Variants in AGBL1 observed in about 807,000 individuals in gnomAD.
AGBL1 encodes the protein cytosolic carboxypeptidase 4.
Under a neutral mutation model 118.9 loss-of-function variants are expected in AGBL1, and 130 were observed. That is an observed-to-expected ratio of 1.09 (90% CI 0.95 to 1.26). AGBL1 has a LOEUF of 1.26. Ranked by LOEUF, AGBL1 falls within the 50% of genes most tolerant of loss-of-function variation. The pLI is 0.00. For missense variants in AGBL1, 1,584 were observed against 1,298.1 expected (o/e 1.22, Z -3.38); for synonymous variants, 555 against 478.9 (o/e 1.16, Z -2.08).
chr15:86,126,336 G>A (rs1898429599), intron 1 of AGBL1, among the ~76,000 whole-genome samples: 1 of 152,014 alleles, frequency 6.6e-6, no homozygotes, highest in Non-Finnish European at 1.5e-5. Context: ...ATATAATCTG[G>A]TAAAGACTGA....
At chr15:86,228,030 G>A (rs1033597180) in intron 6 of AGBL1, among the ~76,000 whole-genome samples, 7 of 152,170 alleles carry the variant, frequency 4.6e-5, no homozygotes, top group African/African-American at 1.2e-4. Context: ...GGCAGCTGCC[G>A]TCTTTGTTTT....
intron 22 of AGBL1, among the ~76,000 whole-genome samples, chr15:86,770,621 A>T (rs2078163252): frequency 6.6e-6 from 1 of 151,950 alleles, no homozygotes; most frequent in Non-Finnish European, 1.5e-5. Flanking sequence ...GTCAGAGGAG[A>T]CGTACCTGAA....
chr15:87,020,517 G>T lies in AGBL1; in HGVS notation c.3324-8308G>T, dbSNP rs141227417. Among the ~76,000 whole-genome samples, 171 of 152,236 alleles carry T rather than the reference G, an allele frequency of 1.1e-3. 5 individuals are homozygous for T. Among genetic ancestry groups the T allele is most frequent in the African/African-American group, 3.7e-3 (154 of 41,560 alleles). On this transcript the variant is annotated intron_variant, in intron 24 of 24. Transcript: ENST00000441037. ...TTCTGGCCAGGGCAATCAGGCAAGA[G>T]AAAGAAATAAAGGGTATTTAAATAA...
chr15:86,497,101 C>T (rs923293016), intron 18 of AGBL1, among the ~76,000 whole-genome samples: 4 of 151,982 alleles, frequency 2.6e-5, no homozygotes, highest in Admixed American at 2.0e-4. Flanking sequence ...AGCCATCAAA[C>T]ACTCTTTCTC....
intron 21 of AGBL1, among the ~76,000 whole-genome samples, chr15:86,649,145 T>C (rs969757118): frequency 3.3e-5 from 5 of 152,192 alleles, no homozygotes; most frequent in African/African-American, 1.2e-4. Flanking sequence ...AAATAGGATC[T>C]GATGCATACC....
intron 22 of AGBL1, among the ~76,000 whole-genome samples, chr15:86,674,772 T>C (rs937501279): frequency 1.3e-5 from 2 of 152,198 alleles, no homozygotes; most frequent in African/African-American, 4.8e-5. Context: ...GATAACATTT[T>C]TGAGCCATTA....
intron 23 of AGBL1, among the ~76,000 whole-genome samples, chr15:86,923,280 A>G (rs182127323): frequency 2.0e-5 from 3 of 152,286 alleles, no homozygotes; most frequent in Admixed American, 2.0e-4. Context: ...TGTCCATATG[A>G]TGTATCAGCT....
At chr15:86,122,214 T>C (rs1354348143) in intron 1 of AGBL1, among the ~76,000 whole-genome samples, 2 of 152,172 alleles carry the variant, frequency 1.3e-5, no homozygotes, top group Non-Finnish European at 2.9e-5. Context: ...TTCTGACAGA[T>C]TGAGTGTTGT....
chr15:86,182,529 G>A (rs555752761), intron 5 of AGBL1, among the ~76,000 whole-genome samples: 1 of 151,964 alleles, frequency 6.6e-6, no homozygotes, highest in Admixed American at 6.6e-5. Context: ...ATGGCCCCTA[G>A]AATATTCTCG....
At chr15:86,722,069 T>C (rs1234667306) in intron 22 of AGBL1, among the ~76,000 whole-genome samples, 2 of 151,978 alleles carry the variant, frequency 1.3e-5, no homozygotes, top group African/African-American at 4.8e-5. Context: ...ATCGTGAAAA[T>C]GGCCATACTG....
chr15:86,570,988 G>A (rs1198071686), intron 21 of AGBL1, among the ~76,000 whole-genome samples: 4 of 152,306 alleles, frequency 2.6e-5, no homozygotes, highest in African/African-American at 9.6e-5. Context: ...TGGTCTGGCC[G>A]TTGCACAGTC....
At chr15:86,119,938 T>C (rs1323877890) in intron 1 of AGBL1, among the ~76,000 whole-genome samples, 1 of 152,218 alleles carries the variant, frequency 6.6e-6, no homozygotes, top group Non-Finnish European at 1.5e-5. Context: ...CAAATCTAAA[T>C]GTCTGTTAAC....
chr15:86,308,678 TG>T (rs1845125073), intron 17 of AGBL1, among the ~76,000 whole-genome samples: 1 of 152,246 alleles, frequency 6.6e-6, no homozygotes, highest in Admixed American at 6.5e-5. Flanking sequence ...TATAAGAGAC[TG>T]TCCTTTCCCC....
intron 21 of AGBL1, among the ~76,000 whole-genome samples, chr15:86,600,488 A>C (rs1195534138): frequency 6.6e-6 from 1 of 152,156 alleles, no homozygotes; most frequent in Non-Finnish European, 1.5e-5. Flanking sequence ...GCCATGTGGC[A>C]ACCTACCTGT....
At chr15:87,003,810 G>A (rs1350132031) in intron 24 of AGBL1, among the ~76,000 whole-genome samples, 1 of 152,138 alleles carries the variant, frequency 6.6e-6, no homozygotes, top group Non-Finnish European at 1.5e-5. Context: ...ATTTCTGTGG[G>A]ATCGGTGGTG....
intron 5 of AGBL1, among the ~76,000 whole-genome samples, chr15:86,198,285 A>C (rs960506356): frequency 2.6e-5 from 4 of 152,176 alleles, no homozygotes; most frequent in Non-Finnish European, 4.4e-5. Context: ...ATGAGCTCAC[A>C]GCTATGGAGA....
Position 86,105,626 on chromosome 15 carries a change from G to A in AGBL1, c.51+25603G>A, listed in dbSNP as rs535112532. Among the ~76,000 whole-genome samples, 25 of 152,338 alleles carry A rather than the reference G, an allele frequency of 1.6e-4. 1 individual carries two copies. In the South Asian group the frequency reaches 5.2e-3, roughly 32 times the overall value. On this transcript the variant is annotated intron_variant, in intron 1 of 22. Transcript: ENST00000614907. ...AAGAAGAGGAGAACAGCAGGAAAGAGAGGCCTTTACTCAGCCCTTTTTCTA... is the reference window on the plus strand; with the variant it reads ...AAGAAGAGGAGAACAGCAGGAAAGAAAGGCCTTTACTCAGCCCTTTTTCTA...
chr15:86,840,937 A>G (rs576199416), intron 22 of AGBL1, among the ~76,000 whole-genome samples: 1 of 152,314 alleles, frequency 6.6e-6, no homozygotes, highest in East Asian at 1.9e-4. Flanking sequence ...CAATCTTTCT[A>G]CTGCAACTCA....
intron 17 of AGBL1, among the ~76,000 whole-genome samples, chr15:86,305,356 T>A (rs1464974764): frequency 6.6e-6 from 1 of 152,142 alleles, no homozygotes; most frequent in Non-Finnish European, 1.5e-5. Context: ...AGATAGTGAT[T>A]CCATCTGAGG....
Sources: gnomAD v4.1 joint callset for allele counts (sites outside exome capture counted in the v4.1 genomes callset) on GRCh38, gnomAD v4.1.1 for gene constraint, MANE v1.5 for transcripts, NCBI Gene and HGNC (gene_info 2026-07-23, HGNC 2026-07-21) for gene names.